SPEF2: variants seen among roughly 807,000 people sequenced by gnomAD.
SPEF2 encodes the protein sperm flagellar and cilia associated 2, also known as sperm flagella and cilia-associated protein 2.
SPEF2 carries 187 observed loss-of-function variants against 224.6 expected under a neutral mutation model. The observed-to-expected ratio is 0.83, with a 90% CI of 0.74 to 0.94. SPEF2 has a LOEUF of 0.94. Among genes scored for constraint, SPEF2 ranks in the 40% least tolerant of loss-of-function variants. SPEF2 has a pLI of 0.00. For synonymous variants in SPEF2, 715 were observed against 707.3 expected (o/e 1.01, Z -0.17); for missense variants, 2,170 against 2,135.6 (o/e 1.02, Z -0.32).
intron 21 of SPEF2, among the ~76,000 whole-genome samples, chr5:35,737,668 A>G (rs1254769734): frequency 6.6e-6 from 1 of 152,168 alleles, no homozygotes; most frequent in Non-Finnish European, 1.5e-5. Context: ...GTGCCGCAAT[A>G]AACATACGTA....
In SPEF2 at chr5:35,740,237, A is replaced by C; in HGVS notation, c.3300A>C (p.Glu1100Asp). Residue 1100 changes from glutamate to aspartate, a missense_variant, in exon 23 of 37, where the codon GAA becomes GAC. Glu to Asp is a conservative substitution (Grantham distance 45). Coordinates refer to ENST00000356031, the MANE Select transcript of SPEF2 (RefSeq NM_024867.4). ...SLPDDLWDDE[E>D]TKAELHQRVN... ...CTGATGACCTGTGGGATGATGAGGA[A>C]ACAAAGGCTGAACTACATCAACGAG... 1 of 1,614,148 alleles carries C rather than the reference A, an allele frequency of 6.2e-7. No individual in the cohort carries two copies. The highest frequency in any genetic ancestry group is 1.1e-5 in the South Asian group (1 of 91,086).
At chr5:35,641,248 G>C (rs956232059) in intron 2 of SPEF2, among the ~76,000 whole-genome samples, 183 bp from the exon 3 acceptor site, 1 of 152,032 alleles carries the variant, frequency 6.6e-6, no homozygotes, top group Non-Finnish European at 1.5e-5. Flanking sequence ...ATAGAGTTCA[G>C]GTAGACATGG....
intron 2 of SPEF2, 92 bp from the exon 3 acceptor site, chr5:35,641,338 CA>C (rs1746593340): frequency 7.2e-7 from 1 of 1,384,644 alleles, no homozygotes; most frequent in African/African-American, 1.5e-5. Context: ...TGAAATAATT[CA>C]AAATATTGGA....
chr5:35,639,543 T>C (rs1746300967), intron 2 of SPEF2, among the ~76,000 whole-genome samples: 1 of 152,122 alleles, frequency 6.6e-6, no homozygotes, highest in Non-Finnish European at 1.5e-5. Flanking sequence ...ATTTTGTAAA[T>C]AACTTAAAGT....
intron 2 of SPEF2, among the ~76,000 whole-genome samples, chr5:35,634,367 T>G (rs916360160): frequency 6.6e-6 from 1 of 152,134 alleles, no homozygotes; most frequent in African/African-American, 2.4e-5. Context: ...AAGTCAGCTG[T>G]TTATTTTATA....
intron 25 of SPEF2, among the ~76,000 whole-genome samples, chr5:35,761,911 T>TG (rs1297327686): frequency 6.6e-6 from 1 of 152,154 alleles, no homozygotes; most frequent in East Asian, 1.9e-4. Flanking sequence ...ATCACAGCTT[T>TG]GGGTACCTAC....
At chr5:35,672,245 GTTATT>G (rs1751298068) in intron 10 of SPEF2, among the ~76,000 whole-genome samples, 1 of 115,956 alleles carries the variant, frequency 8.6e-6, no homozygotes, top group Non-Finnish European at 1.7e-5. Context: ...TCATTATAAT[GTTATT>G]GAACATAATG....
At chr5:35,730,135 A>G (rs1745394356) in intron 21 of SPEF2, among the ~76,000 whole-genome samples, 1 of 152,198 alleles carries the variant, frequency 6.6e-6, no homozygotes, top group African/African-American at 2.4e-5. Context: ...GGCCCCAGGT[A>G]AACCTTACTT....
intron 9 of SPEF2, among the ~76,000 whole-genome samples, chr5:35,669,746 A>G (rs1315942597): frequency 6.6e-6 from 1 of 152,044 alleles, no homozygotes; most frequent in Non-Finnish European, 1.5e-5. Context: ...TCAGCTTACT[A>G]TGCAACCTTA....
At chr5:35,775,555 C>T (rs990739958) in intron 28 of SPEF2, among the ~76,000 whole-genome samples, 2 of 151,960 alleles carry the variant, frequency 1.3e-5, no homozygotes, top group Non-Finnish European at 2.9e-5. Context: ...CAAGAATGTT[C>T]AATTCTTCCC....
intron 20 of SPEF2, among the ~76,000 whole-genome samples, chr5:35,725,709 C>G (rs1744524355): frequency 1.3e-5 from 2 of 152,162 alleles, no homozygotes; most frequent in Admixed American, 1.3e-4. Context: ...TGCTGTGTCA[C>G]TTTGTCTTTG....
chr5:35,708,915 T>C lies in SPEF2; in HGVS notation c.2666-33T>C, dbSNP rs1226433329. On this transcript the variant is annotated intron_variant, in intron 18 of 36. Transcript: ENST00000356031. ...TGAAATAGTAGATTTCTAGAGTCTC[T>C]AATGAAGGTCAATTCTTATCATCCT... 7.6e-6 allele frequency: 12 copies of C among 1,572,540 alleles called. No homozygotes were observed. The Admixed American group carries it at 9.7e-5, about 13-fold the overall frequency.
Position 35,773,911 on chromosome 5 carries a change from C to T in SPEF2, c.3968C>T (p.Ala1323Val), listed in dbSNP as rs1042255376. ...CTTTCAGGTAAATCACCACCTATGG[C>T]AGAAGCAACTCCTGTCATAGTAACA... ...KKPKGKSPPM[A>V]EATPVIVTTE... Residue 1323 changes from alanine (A) to valine (V), a missense_variant, in exon 28 of 37, where the codon GCA becomes GTA. Physicochemically the swap from Ala to Val is moderately conservative, Grantham distance 64 (BLOSUM62 0). Coordinates refer to ENST00000356031, the MANE Select transcript of SPEF2 (RefSeq NM_024867.4). The T allele has an allele frequency of 3.7e-6, 6 of 1,612,454 alleles. No homozygotes were observed. The African/African-American group carries it at 8.0e-5, about 22-fold the overall frequency.
chr5:35,785,700 AT>A (rs1755008535), intron 30 of SPEF2, among the ~76,000 whole-genome samples: 2 of 150,482 alleles, frequency 1.3e-5, no homozygotes, highest in Admixed American at 1.3e-4. Flanking sequence ...TGCCCAGCTA[AT>A]TTGTTTTTTT....
Position 35,691,159 on chromosome 5 carries a change from A to G in SPEF2, c.1647A>G (p.Glu549=). The change falls in exon 11 of 37, where the codon GAA becomes GAG. Residue 549 remains glutamate (E), a synonymous_variant. Transcript: ENST00000356031. Reference sequence around the variant, plus strand: ...AAAAATCTCTTCCTCCTCGAGCGGAATCAACAACACCTGAATTACCTTCAT... The same window carrying G: ...AAAAATCTCTTCCTCCTCGAGCGGAGTCAACAACACCTGAATTACCTTCAT... The part of the protein sequence containing the change: ...LAEKSLPPRA[E]STTPELPSFA... 6.2e-7 allele frequency: 1 copy of G among 1,614,114 alleles called. No individual in the cohort carries two copies. Among genetic ancestry groups the G allele is most frequent in the East Asian group, 2.2e-5 (1 of 44,862 alleles).
intron 29 of SPEF2, among the ~76,000 whole-genome samples, chr5:35,778,623 C>T (rs1172276799): frequency 6.6e-6 from 1 of 152,166 alleles, no homozygotes; most frequent in Non-Finnish European, 1.5e-5. Flanking sequence ...CATCAAACTT[C>T]TTTGACAGAA....
rs760487837 is a variant in SPEF2, at chr5:35,779,322, C to T, written c.4423C>T (p.Gln1475Ter). ...TIEQLDSLRD[Q>*]FLDMAPKGII... ...TGAACAGCTTGACAGTCTTCGAGAT[C>T]AGTTCTTAGATATGGCACCTAAAGG... Residue 1475 changes from glutamine to a stop codon, truncating the protein, a stop_gained, in exon 30 of 37, where the codon CAG becomes TAG. Coordinates refer to ENST00000356031, the MANE Select transcript of SPEF2 (RefSeq NM_024867.4). LOFTEE classifies it high-confidence loss of function. 3 of 1,611,044 alleles carry T rather than the reference C, an allele frequency of 1.9e-6. No individual in the cohort carries two copies. The Admixed American group carries it at 5.0e-5, about 27-fold the overall frequency.
chr5:35,762,952 A>G (rs559419042), intron 25 of SPEF2, among the ~76,000 whole-genome samples: 3 of 152,258 alleles, frequency 2.0e-5, no homozygotes, highest in African/African-American at 7.2e-5. Flanking sequence ...ACCCCCACCC[A>G]CCATCAAAAC....
chr5:35,714,426 C>T (rs994645608), intron 20 of SPEF2, among the ~76,000 whole-genome samples: 1 of 151,368 alleles, frequency 6.6e-6, no homozygotes, highest in Admixed American at 6.6e-5. Context: ...GGGTGGTGTC[C>T]CTTTTACGGT....
Sources: allele counts gnomAD v4.1 joint callset (sites outside exome capture counted in the v4.1 genomes callset), GRCh38; gene constraint gnomAD v4.1.1; transcripts MANE v1.5; gene names NCBI Gene and HGNC (gene_info 2026-07-23, HGNC 2026-07-21).